Variants in AIG1 observed in about 807,000 individuals in gnomAD.
AIG1 encodes the protein androgen-induced gene 1 protein.
A neutral mutation model predicts 31.4 loss-of-function variants in AIG1; 23 were observed. The observed-to-expected ratio is 0.73, with a 90% CI of 0.53 to 1.04. AIG1 has a LOEUF of 1.04. Among genes scored for constraint, AIG1 ranks in the 50% least tolerant of loss-of-function variants. AIG1 has a pLI of 0.00. For synonymous variants in AIG1, 100 were observed against 110.5 expected, an observed-to-expected ratio of 0.90 and a Z score of 0.60; for missense variants, 274 against 295.0, an observed-to-expected ratio of 0.93 and a Z score of 0.52.
intron 1 of AIG1, among the ~76,000 whole-genome samples, chr6:143,134,079 G>T (rs1342332958): frequency 1.3e-5 from 2 of 151,872 alleles, no homozygotes; most frequent in Admixed American, 6.6e-5. Context: ...TATTTCAAAA[G>T]AATAAAAACC....
intron 1 of AIG1, among the ~76,000 whole-genome samples, chr6:143,087,551 C>A (rs544448561): frequency 6.6e-6 from 1 of 152,146 alleles, no homozygotes; most frequent in African/African-American, 2.4e-5. Flanking sequence ...TGGAAGTCAG[C>A]GGCGGGTCTG....
intron 1 of AIG1, among the ~76,000 whole-genome samples, chr6:143,111,879 C>T (rs986771526): frequency 3.9e-5 from 6 of 152,182 alleles, no homozygotes; most frequent in African/African-American, 1.4e-4. Flanking sequence ...ACCCTCTTCT[C>T]TATATCTCTC....
chr6:143,192,190 TG>T (rs757909178), intron 3 of AIG1, among the ~76,000 whole-genome samples: 1 of 152,246 alleles, frequency 6.6e-6, no homozygotes, highest in Non-Finnish European at 1.5e-5. Flanking sequence ...TGAGAGCATC[TG>T]TCAGAGAAGC....
At chr6:143,156,878 A>G (rs1785818742) in intron 2 of AIG1, among the ~76,000 whole-genome samples, 1 of 152,228 alleles carries the variant, frequency 6.6e-6, no homozygotes, top group African/African-American at 2.4e-5. Context: ...ACCTTGGGCT[A>G]GTCCATTCCC....
chr6:143,064,536 A>C (rs1001635906), intron 1 of AIG1, among the ~76,000 whole-genome samples: 1 of 152,230 alleles, frequency 6.6e-6, no homozygotes, highest in Non-Finnish European at 1.5e-5. Context: ...TGTGTCATTT[A>C]AGCCATTCAA....
rs576901518 is a variant in AIG1 at position 143,319,111 on chromosome 6, A to C, written c.516-14171A>C. Among the ~76,000 whole-genome samples the C allele has an allele frequency of 1.6e-4, 25 of 152,338 alleles. No individual in the cohort carries two copies. The South Asian group carries it at 5.2e-3, about 32-fold the overall frequency. ...AAGTAGATCTACCATTTGATCCAGC[A>C]GTCCCACTACTGGGTATCTACCCAG... On this transcript the variant is annotated intron_variant, in intron 4 of 5. Coordinates refer to ENST00000357847, the MANE Select transcript of AIG1 (RefSeq NM_016108.4).
At chr6:143,141,942 A>AAT (rs570689417) in intron 2 of AIG1, among the ~76,000 whole-genome samples, 194 of 151,222 alleles carry the variant, frequency 1.3e-3, no homozygotes, top group African/African-American at 4.2e-3. Context: ...AAATAAATAA[A>AAT]ATATATATAT....
At chr6:143,084,222 C>G (rs1778554407) in intron 1 of AIG1, among the ~76,000 whole-genome samples, 2 of 152,212 alleles carry the variant, frequency 1.3e-5, no homozygotes. Context: ...AGTCCTGCTA[C>G]CGGCTCATGT....
At chr6:143,209,993 C>T (rs1361404577) in intron 3 of AIG1, among the ~76,000 whole-genome samples, 1 of 152,190 alleles carries the variant, frequency 6.6e-6, no homozygotes, top group African/African-American at 2.4e-5. Flanking sequence ...TGTGTCCCCA[C>T]CCAAATCTCA....
chr6:143,253,947 C>T (rs1337983930), intron 3 of AIG1, among the ~76,000 whole-genome samples: 1 of 152,168 alleles, frequency 6.6e-6, no homozygotes, highest in Non-Finnish European at 1.5e-5. Context: ...TTTTTAGATT[C>T]ATCAAAGACT....
intron 3 of AIG1, among the ~76,000 whole-genome samples, chr6:143,265,617 A>G (rs1458718918): frequency 1.3e-5 from 2 of 152,216 alleles, no homozygotes; most frequent in African/African-American, 2.4e-5. Flanking sequence ...TCCCCAAAGG[A>G]ATGTGCTAAA....
chr6:143,202,026 T>C (rs1035185055), intron 3 of AIG1, among the ~76,000 whole-genome samples: 5 of 152,122 alleles, frequency 3.3e-5, no homozygotes, highest in African/African-American at 9.7e-5. Flanking sequence ...AGAAAGTTAG[T>C]AAATGGCACA....
chr6:143,333,733 A>G lies in AIG1; in HGVS notation c.679+288A>G, dbSNP rs1352749869. On this transcript the variant is annotated intron_variant, in intron 5 of 5. Transcript: ENST00000357847. This position sits in a 1 kb window ranked among gnomAD's most constrained non-coding sequence, Gnocchi z 4.6. ...GAAAAATGTAGTGTTAGCAAAAAAT[A>G]TATATTAGGGAAATTTGTCCTCATT... 6.6e-6 allele frequency among the ~76,000 whole-genome samples: 1 copy of G among 152,192 alleles called. No homozygotes were observed. Among genetic ancestry groups the G allele is most frequent in the Non-Finnish European group, 1.5e-5 (1 of 68,042 alleles).
intron 3 of AIG1, among the ~76,000 whole-genome samples, chr6:143,241,481 C>G (rs1794236926): frequency 6.6e-6 from 1 of 152,198 alleles, no homozygotes; most frequent in South Asian, 2.1e-4. Flanking sequence ...AAGAAAGTAG[C>G]TAGGGAAAGA....
intron 1 of AIG1, among the ~76,000 whole-genome samples, chr6:143,081,114 T>G (rs1192380034): frequency 1.3e-5 from 2 of 152,180 alleles, no homozygotes; most frequent in Admixed American, 1.3e-4. Flanking sequence ...TCCTGCTTTT[T>G]GGGGACAGTT....
In AIG1 at chr6:143,340,700, G is replaced by A. The variant is rs1459682111; in HGVS notation, c.*1024G>A. Among the ~76,000 whole-genome samples the A allele has an allele frequency of 2.6e-5, 4 of 152,010 alleles. No individual in the cohort carries two copies. Among genetic ancestry groups the A allele is most frequent in the Non-Finnish European group, 5.9e-5 (4 of 68,004 alleles). The stretch of plus-strand genomic sequence containing the variant: ...GATGGTCTCGATCTCCTGACCTTGT[G>A]ATCCACACGCCTCGGCCTCCCAAAG... On this transcript the variant is annotated 3_prime_UTR_variant, in exon 6 of 6. Coordinates refer to ENST00000357847, the MANE Select transcript of AIG1 (RefSeq NM_016108.4).
chr6:143,335,947 A>G (rs956099864), intron 5 of AIG1, among the ~76,000 whole-genome samples: 18 of 18,632 alleles, frequency 9.7e-4, no homozygotes, highest in African/African-American at 7.4e-3. Flanking sequence ...AACTCTCAGA[A>G]AAAAAAAAAA....
intron 3 of AIG1, among the ~76,000 whole-genome samples, chr6:143,227,728 G>A (rs149079842): frequency 9.0e-4 from 137 of 152,272 alleles, no homozygotes; most frequent in African/African-American, 3.0e-3. Flanking sequence ...GGCCATAGGG[G>A]TTGGGTCTTG....
intron 4 of AIG1, among the ~76,000 whole-genome samples, chr6:143,300,779 A>G (rs540280864): frequency 6.6e-5 from 10 of 152,166 alleles, no homozygotes; most frequent in Non-Finnish European, 1.2e-4. Flanking sequence ...AAATAGAGCT[A>G]TATTTTTTAA....
Sources: gnomAD v4.1 joint callset for allele counts (sites outside exome capture counted in the v4.1 genomes callset) on GRCh38, gnomAD v4.1.1 for gene constraint, Gnocchi (gnomAD v3.1) non-coding constraint, MANE v1.5 for transcripts, NCBI Gene and HGNC (gene_info 2026-07-23, HGNC 2026-07-21) for gene names.